The following PARD3 variants were observed in gnomAD, a reference collection of about 807,000 sequenced individuals.
PARD3 encodes the protein par-3 family cell polarity regulator.
Under a neutral mutation model 155.4 loss-of-function variants are expected in PARD3, and 75 were observed. The observed-to-expected ratio is 0.48, with a 90% CI of 0.40 to 0.58. PARD3 has a LOEUF of 0.58. PARD3 is among the 20% of genes least tolerant of loss of function. The pLI is 0.00. For missense variants in PARD3, 1,642 were observed against 1,721.7 expected, an observed-to-expected ratio of 0.95 and a Z score of 0.82; for synonymous variants, 576 against 610.5, an observed-to-expected ratio of 0.94 and a Z score of 0.83.
At chr10:34,352,705 C>G (rs913804001) in intron 14 of PARD3, among the ~76,000 whole-genome samples, 3 of 152,328 alleles carry the variant, frequency 2.0e-5, no homozygotes, top group Admixed American at 2.0e-4. Context: ...CAATCTCCAC[C>G]TCGCAGCCGC....
chr10:34,265,502 A>C (rs919344462), intron 22 of PARD3, among the ~76,000 whole-genome samples: 5 of 152,204 alleles, frequency 3.3e-5, no homozygotes, highest in Non-Finnish European at 7.3e-5. Context: ...CAGACTGTCA[A>C]CTGCCTGCAT....
chr10:34,355,627 G>C (rs1406304980), intron 14 of PARD3, among the ~76,000 whole-genome samples: 1 of 151,908 alleles, frequency 6.6e-6, no homozygotes, highest in Non-Finnish European at 1.5e-5. Flanking sequence ...AGCAAGAGCA[G>C]AGTAAAAACA....
chr10:34,766,095 C>A lies in PARD3; in HGVS notation c.120+48781G>T, dbSNP rs1401992438. ...CCTTTTAGTGTTATGAATCAACAGT[C>A]CAAGTTAACAGTGCATTTATTAATG... On this transcript the variant is annotated intron_variant, in intron 1 of 24. Coordinates refer to ENST00000374788, the MANE Select transcript of PARD3 (RefSeq NM_001184785.2). 5.3e-5 allele frequency among the ~76,000 whole-genome samples: 8 copies of A among 152,186 alleles called. No homozygotes were observed. The East Asian group carries it at 1.5e-3, about 29-fold the overall frequency.
intron 18 of PARD3, among the ~76,000 whole-genome samples, chr10:34,333,406 C>T (rs138349611): frequency 7.2e-5 from 11 of 152,060 alleles, no homozygotes; most frequent in South Asian, 4.1e-4. Flanking sequence ...ATTCGATAAA[C>T]GATAATTTTG....
chr10:34,149,793 T>TA (rs1015029184), intron 22 of PARD3, among the ~76,000 whole-genome samples: 9 of 152,332 alleles, frequency 5.9e-5, no homozygotes, highest in African/African-American at 2.2e-4. Flanking sequence ...CCACATGAAC[T>TA]AACATATTTC....
At chr10:34,780,460 G>C (rs1303581663) in intron 1 of PARD3, among the ~76,000 whole-genome samples, 1 of 152,098 alleles carries the variant, frequency 6.6e-6, no homozygotes, top group African/African-American at 2.4e-5. Flanking sequence ...ATTTTCTAGG[G>C]ATAAACATCT....
intron 21 of PARD3, among the ~76,000 whole-genome samples, chr10:34,272,871 C>T (rs558220284): frequency 3.3e-5 from 5 of 152,276 alleles, no homozygotes; most frequent in South Asian, 4.1e-4. Context: ...TGTGAAAAGA[C>T]GTTCGCCACC....
intron 5 of PARD3, among the ~76,000 whole-genome samples, chr10:34,438,464 A>G (rs1413312227): frequency 6.6e-6 from 1 of 152,200 alleles, no homozygotes; most frequent in Non-Finnish European, 1.5e-5. Flanking sequence ...TATAATCTAC[A>G]GTTTATAGCC....
chr10:34,173,449 C>T (rs1395476644), intron 22 of PARD3, among the ~76,000 whole-genome samples: 3 of 152,172 alleles, frequency 2.0e-5, no homozygotes, highest in Non-Finnish European at 4.4e-5. Flanking sequence ...TCTGAGAACA[C>T]ATGTAATACT....
chr10:34,740,870 T>C (rs1164664124), intron 1 of PARD3, among the ~76,000 whole-genome samples: 2 of 152,214 alleles, frequency 1.3e-5, no homozygotes, highest in Non-Finnish European at 2.9e-5. Context: ...AATGTGAAGC[T>C]TGACTAAAGT....
chr10:34,388,547 G>C (rs1298775705), intron 7 of PARD3, among the ~76,000 whole-genome samples: 1 of 152,114 alleles, frequency 6.6e-6, no homozygotes, highest in African/African-American at 2.4e-5. Flanking sequence ...AAATTTTAGG[G>C]ATATATTTTG....
chr10:34,695,358 C>T (rs1474295334), intron 2 of PARD3, among the ~76,000 whole-genome samples: 1 of 151,776 alleles, frequency 6.6e-6, no homozygotes, highest in South Asian at 2.1e-4. Context: ...GCCTATAATC[C>T]CAGCTAGTCA....
At chr10:34,802,980 C>T (rs940974588) in intron 1 of PARD3, among the ~76,000 whole-genome samples, 2 of 151,182 alleles carry the variant, frequency 1.3e-5, no homozygotes, top group African/African-American at 4.9e-5. Context: ...AATCCCAGCA[C>T]TCTGGGAAGC....
chr10:34,522,620 T>A (rs1194951094), intron 2 of PARD3, among the ~76,000 whole-genome samples: 3 of 117,406 alleles, frequency 2.6e-5, no homozygotes, highest in African/African-American at 6.5e-5. Context: ...GCTCAATCGC[T>A]GTGTCTTGGA....
chr10:34,389,239 T>TAAAAAAAAAAA lies in PARD3; in HGVS notation c.891-4996_891-4986dup, dbSNP rs57615675. Among the ~76,000 whole-genome samples the TAAAAAAAAAAA allele has an allele frequency of 7.1e-4, 47 of 65,848 alleles. 2 individuals are homozygous for TAAAAAAAAAAA. The highest frequency in any genetic ancestry group is 0.014 in the Middle Eastern group (1 of 74). 43.2% of individuals were successfully genotyped at this position (65,848 alleles called of 152,430 possible). A position where few individuals can be genotyped will look rare whatever the true frequency, so the allele number is the denominator to read the frequency against. On this transcript the variant is annotated intron_variant, in intron 7 of 24. Coordinates refer to ENST00000374788, the MANE Select transcript of PARD3 (RefSeq NM_001184785.2). ...GACTTCGTTTTTGAACAATGTTTCT[T>TAAAAAAAAAAA]AAAAAAAAAAAAAAAAAAAAAAAAA... is the stretch of plus-strand genomic sequence containing the variant.
At chr10:34,399,559 G>A in intron 6 of PARD3, 146 bp from the exon 7 acceptor site, 1 of 633,814 alleles carries the variant, frequency 1.6e-6, no homozygotes, top group Non-Finnish European at 2.8e-6. Flanking sequence ...AAGTGCATAG[G>A]CATATATATA....
intron 4 of PARD3, among the ~76,000 whole-genome samples, chr10:34,457,122 T>A (rs1284758839): frequency 6.6e-6 from 1 of 152,188 alleles, no homozygotes; most frequent in Non-Finnish European, 1.5e-5. Context: ...TTGTTAACGG[T>A]CTTATCAAAC....
At chr10:34,237,096 G>A (rs1002985946) in intron 22 of PARD3, among the ~76,000 whole-genome samples, 1 of 152,172 alleles carries the variant, frequency 6.6e-6, no homozygotes, top group African/African-American at 2.4e-5. Context: ...ACATTGCTGG[G>A]TTGTGAGAAT....
chr10:34,804,978 T>C (rs902807189), intron 1 of PARD3, among the ~76,000 whole-genome samples: 1 of 152,250 alleles, frequency 6.6e-6, no homozygotes, highest in African/African-American at 2.4e-5. Context: ...ATTTTTAGTG[T>C]AGTCTATCTC....
Sources: allele counts gnomAD v4.1 joint callset (sites outside exome capture counted in the v4.1 genomes callset), GRCh38; gene constraint gnomAD v4.1.1; transcripts MANE v1.5; gene names NCBI Gene and HGNC (gene_info 2026-07-23, HGNC 2026-07-21).